Variants in CLEC2A observed in about 807,000 individuals in gnomAD.
CLEC2A encodes keratinocyte-associated C-type lectin.
CLEC2A carries 19 observed loss-of-function variants against 18.6 expected under a neutral mutation model. That is an observed-to-expected ratio of 1.02 (90% confidence interval 0.71 to 1.50). The LOEUF is 1.50. Among genes scored for constraint, CLEC2A ranks in the 40% most tolerant of loss-of-function variants. CLEC2A has a pLI of 0.00. For synonymous variants in CLEC2A, 74 were observed against 64.0 expected (o/e 1.16, Z -0.75); for missense variants, 190 against 207.9 (o/e 0.91, Z 0.53).
At chr12:9,908,801 G>C (rs1024973181), downstream of CLEC2A, among the ~76,000 whole-genome samples, 1 of 152,162 alleles carries the variant, frequency 6.6e-6, no homozygotes, top group Non-Finnish European at 1.5e-5. Context: ...TCTGGCAAAT[G>C]AGGTCCCGGA....
Position 9,913,379 on chromosome 12 carries a change from C to T in CLEC2A, c.*187G>A. The T allele has an allele frequency of 9.9e-7, 1 of 1,008,732 alleles. No homozygotes were observed. The highest frequency in any genetic ancestry group is 1.6e-5 in the African/African-American group (1 of 60,726). The allele number at this position is 1,008,732 out of a possible 1,614,324, so 62.5% of individuals were successfully genotyped here. ...TGTGATTGTGCCCTTATAAAAGGCTCCAGAGAACGGCCTTGTCTCTTTAAC... is the reference window on the plus strand; with the variant it reads ...TGTGATTGTGCCCTTATAAAAGGCTTCAGAGAACGGCCTTGTCTCTTTAAC... On this transcript the variant is annotated 3_prime_UTR_variant, in exon 5 of 5. Coordinates refer to ENST00000455827, the MANE Select transcript of CLEC2A (RefSeq NM_001130711.2).
At chr12:9,904,104 C>G (rs1862872897) in intron 4 of CLEC2A, among the ~76,000 whole-genome samples, 1 of 152,158 alleles carries the variant, frequency 6.6e-6, no homozygotes. Context: ...GACTTAAGCT[C>G]ACTGCATCCC....
intron 4 of CLEC2A, among the ~76,000 whole-genome samples, chr12:9,915,024 C>A (rs1863047800): frequency 6.6e-6 from 1 of 151,036 alleles, no homozygotes; most frequent in Non-Finnish European, 1.5e-5. Context: ...AAAAAAACAT[C>A]AAAAAGTAGG....
chr12:9,921,978 A>G, intron 3 of CLEC2A, 88 bp downstream of exon 3: 1 of 1,110,434 alleles, frequency 9.0e-7, no homozygotes, highest in Non-Finnish European at 1.3e-6. Context: ...TCAAGGATCA[A>G]TTGTATTATA....
At chr12:9,918,059 G>A (rs1223652017) in intron 3 of CLEC2A, among the ~76,000 whole-genome samples, 2 of 152,002 alleles carry the variant, frequency 1.3e-5, no homozygotes, top group Admixed American at 1.3e-4. Flanking sequence ...TCTGTTTACT[G>A]TGTTAATAGT....
At position 9,913,700 on chromosome 12, in the gene CLEC2A, A is replaced by G. The variant is rs1410203892; in HGVS notation, c.411-20T>C. The G allele has an allele frequency of 8.1e-6, 12 of 1,472,556 alleles. No individual in the cohort carries two copies. Among genetic ancestry groups the G allele is most frequent in the Non-Finnish European group, 1.0e-5 (11 of 1,088,774 alleles). 91.2% of individuals were successfully genotyped at this position (1,472,556 alleles called of 1,614,324 possible). ...TCAAACCTGAAAAAGAACACTCTAA[A>G]TCAGTCTGGGAACCACTTACGGCTG... On this transcript the variant is annotated intron_variant, in intron 4 of 4. Coordinates refer to ENST00000455827, the MANE Select transcript of CLEC2A (RefSeq NM_001130711.2).
downstream of CLEC2A, among the ~76,000 whole-genome samples, chr12:9,912,299 G>A (rs1159608059): frequency 6.6e-6 from 1 of 152,090 alleles, no homozygotes; most frequent in Non-Finnish European, 1.5e-5. Flanking sequence ...TGGCTCTGCA[G>A]GACCCTTAGG....
intron 2 of CLEC2A, among the ~76,000 whole-genome samples, chr12:9,923,507 G>A (rs1260912071): frequency 6.6e-6 from 1 of 152,136 alleles, no homozygotes; most frequent in Non-Finnish European, 1.5e-5. Context: ...AACCATTGTG[G>A]AAGACAGTGT....
chr12:9,931,867 T>C (rs911935330), intron 1 of CLEC2A, among the ~76,000 whole-genome samples: 2 of 152,240 alleles, frequency 1.3e-5, no homozygotes, highest in African/African-American at 4.8e-5. Context: ...AACTTCATTG[T>C]TGGCCTTAGC....
rs1365780689 is a variant in CLEC2A, at chr12:9,913,364, C to T, written c.*202G>A. 5 of 801,008 alleles carry T rather than the reference C, an allele frequency of 6.2e-6. No homozygotes were observed. The highest frequency in any genetic ancestry group is 3.3e-5 in the East Asian group (1 of 30,512). The allele number at this position is 801,008 out of a possible 1,614,324, so 49.6% of individuals were successfully genotyped here. On this transcript the variant is annotated 3_prime_UTR_variant, in exon 5 of 5. Transcript: ENST00000455827. ...TGGAGCCATAGTAAATGTGATTGTG[C>T]CCTTATAAAAGGCTCCAGAGAACGG...
At chr12:9,908,683 G>A (rs975392783), downstream of CLEC2A, among the ~76,000 whole-genome samples, 3 of 152,034 alleles carry the variant, frequency 2.0e-5, no homozygotes, top group African/African-American at 4.8e-5. Context: ...TTTCCCATGC[G>A]GGACATTCCC....
At chr12:9,929,912 C>T (rs1353942784) in intron 1 of CLEC2A, among the ~76,000 whole-genome samples, 1 of 151,964 alleles carries the variant, frequency 6.6e-6, no homozygotes. Context: ...TATTTCTTCT[C>T]ATTACATTTT....
At chr12:9,925,713 A>C (rs1276096397) in intron 2 of CLEC2A, among the ~76,000 whole-genome samples, 2 of 152,126 alleles carry the variant, frequency 1.3e-5, no homozygotes, top group African/African-American at 2.4e-5. Context: ...TGAAACTTAC[A>C]TTTGTCTTAT....
rs960941533 is a variant in CLEC2A, at chr12:9,932,274, C to A, written c.55+1G>T. ...CTTCTCATTCACTCTATAAAACTTA[C>A]CTATCCGATGTATGAAGCCATCAGC... On this transcript the variant is annotated splice_donor_variant, in intron 1 of 4. Transcript: ENST00000455827. LOFTEE classifies it high-confidence loss of function. 9 of 1,548,436 alleles carry A rather than the reference C, an allele frequency of 5.8e-6. No individual in the cohort carries two copies. Among genetic ancestry groups the A allele is most frequent in the Non-Finnish European group, 7.0e-6 (8 of 1,144,026 alleles).
At chr12:9,895,673 G>A, downstream of CLEC2A, 1 of 1,504,546 alleles carries the variant, frequency 6.6e-7, no homozygotes, top group Non-Finnish European at 8.8e-7. Flanking sequence ...TGAAAAATCT[G>A]TCCTTTGTCT....
At chr12:9,921,301 A>T (rs569984001) in intron 3 of CLEC2A, among the ~76,000 whole-genome samples, 2 of 152,336 alleles carry the variant, frequency 1.3e-5, no homozygotes, top group East Asian at 3.9e-4. Flanking sequence ...CTCCTCAAAA[A>T]GTTAACCATG....
At chr12:9,913,743 A>T in intron 4 of CLEC2A, 63 bp from the exon 5 acceptor site, 1 of 1,045,956 alleles carries the variant, frequency 9.6e-7, no homozygotes, top group Non-Finnish European at 1.4e-6. Context: ...AAAGACAATT[A>T]ATAATAGAGT....
chr12:9,900,380 GCTTTGAAAT>G (rs2137012523), intron 4 of CLEC2A, among the ~76,000 whole-genome samples: 1 of 152,112 alleles, frequency 6.6e-6, no homozygotes, highest in South Asian at 2.1e-4. Flanking sequence ...AAATGTATAA[GCTTTGAAAT>G]CTAGTTCTCT....
chr12:9,892,916 ATG>A, the CLEC2A span: 1 of 1,064,342 alleles, frequency 9.4e-7, no homozygotes, highest in Non-Finnish European at 1.3e-6. Flanking sequence ...AAAAAAAAAA[ATG>A]AGTTGGAAAA....
Sources: gnomAD v4.1 joint callset for allele counts (sites outside exome capture counted in the v4.1 genomes callset) on GRCh38, gnomAD v4.1.1 for gene constraint, MANE v1.5 for transcripts, NCBI Gene and HGNC (gene_info 2026-07-23, HGNC 2026-07-21) for gene names.